Variants in DPP6 observed in about 807,000 individuals in gnomAD.
DPP6 encodes A-type potassium channel modulatory protein DPP6.
In DPP6, 69 loss-of-function variants were observed where a neutral mutation model predicts 122.6. The ratio of observed to expected loss-of-function variants is 0.56; its 90% CI spans 0.46 to 0.69. The LOEUF is 0.69. Ranked by LOEUF, DPP6 falls within the 30% of genes least tolerant of loss-of-function variation. The probability of loss-of-function intolerance (pLI) is 0.00; values close to 1 mark genes in which losing one functional copy is unlikely to be tolerated. For synonymous variants in DPP6, 418 were observed against 433.1 expected (o/e 0.97, Z 0.43); for missense variants, 928 against 1,116.9 (o/e 0.83, Z 2.41).
chr7:154,163,650 G>A (rs1295503583), intron 1 of DPP6, among the ~76,000 whole-genome samples: 6 of 152,176 alleles, frequency 3.9e-5, no homozygotes, highest in Non-Finnish European at 8.8e-5. Context: ...GTGCAATGAT[G>A]CTTCCTTATA....
intron 7 of DPP6, among the ~76,000 whole-genome samples, chr7:154,695,174 G>C (rs1321036013): frequency 6.6e-6 from 1 of 152,184 alleles, no homozygotes; most frequent in Non-Finnish European, 1.5e-5. Flanking sequence ...AGCCAGACTT[G>C]GGAATTTGGT....
At chr7:154,764,303 C>T (rs1795764111) in intron 8 of DPP6, among the ~76,000 whole-genome samples, 1 of 152,192 alleles carries the variant, frequency 6.6e-6, no homozygotes, top group African/African-American at 2.4e-5. Flanking sequence ...TCACCTTATT[C>T]TTGACCTGTT....
intron 2 of DPP6, among the ~76,000 whole-genome samples, chr7:154,459,156 A>G (rs574650784): frequency 1.2e-3 from 182 of 152,332 alleles, no homozygotes; most frequent in African/African-American, 4.2e-3. Flanking sequence ...AAAGAAGCCA[A>G]TGAAATTCAG....
chr7:154,337,366 G>A (rs911251137), intron 1 of DPP6, among the ~76,000 whole-genome samples: 1 of 152,202 alleles, frequency 6.6e-6, no homozygotes, highest in Non-Finnish European at 1.5e-5. Flanking sequence ...TAACCCAGGT[G>A]GAAGTTTGTG....
At chr7:154,065,212 C>G (rs1295880568) in intron 1 of DPP6, among the ~76,000 whole-genome samples, 1 of 151,930 alleles carries the variant, frequency 6.6e-6, no homozygotes, top group African/African-American at 2.4e-5. Flanking sequence ...GCCACTTAAA[C>G]CAGCTCCAAC....
At chr7:154,269,458 C>G (rs974116500) in intron 1 of DPP6, among the ~76,000 whole-genome samples, 6 of 152,186 alleles carry the variant, frequency 3.9e-5, no homozygotes, top group African/African-American at 1.4e-4. Context: ...TCCTGCCCTT[C>G]TCCTGGGCCA....
the DPP6 span, among the ~76,000 whole-genome samples, chr7:153,874,319 T>C: frequency 6.0e-5 from 9 of 150,882 alleles, no homozygotes; most frequent in South Asian, 1.0e-3. Flanking sequence ...CAGAAAGAAC[T>C]TATTAGATAT....
At chr7:154,324,178 C>T (rs952145279) in intron 1 of DPP6, among the ~76,000 whole-genome samples, 10 of 152,198 alleles carry the variant, frequency 6.6e-5, no homozygotes, top group African/African-American at 2.4e-4. Context: ...ATGATTACTA[C>T]AGTAACTTGC....
chr7:154,872,058 C>T (rs983234097), intron 18 of DPP6, among the ~76,000 whole-genome samples: 10 of 152,148 alleles, frequency 6.6e-5, no homozygotes, highest in Admixed American at 6.5e-4. Context: ...CTAGCTGTGG[C>T]TGCAGCATAG....
chr7:153,881,796 A>G, the DPP6 span, among the ~76,000 whole-genome samples: 18 of 152,160 alleles, frequency 1.2e-4, no homozygotes, highest in African/African-American at 4.3e-4. Context: ...CCCTGGCTCC[A>G]GGTCCTAATG....
intron 1 of DPP6, among the ~76,000 whole-genome samples, chr7:154,223,879 T>C (rs1366428445): frequency 6.7e-6 from 1 of 148,572 alleles, no homozygotes; most frequent in Admixed American, 6.6e-5. Context: ...AATAGAACAC[T>C]CAGAGGCCAC....
At chr7:154,195,536 G>A (rs889855937) in intron 1 of DPP6, among the ~76,000 whole-genome samples, 1 of 152,146 alleles carries the variant, frequency 6.6e-6, no homozygotes. Context: ...TGCATTCACG[G>A]ATGCTCTTCT....
At chr7:153,813,660 T>C in the DPP6 span, among the ~76,000 whole-genome samples, 1 of 152,080 alleles carries the variant, frequency 6.6e-6, no homozygotes, top group Non-Finnish European at 1.5e-5. Context: ...AAAGTGTTCC[T>C]ATTTCTTCAC....
intron 1 of DPP6, among the ~76,000 whole-genome samples, chr7:154,150,565 A>G (rs1389527291): frequency 1.3e-5 from 2 of 152,240 alleles, no homozygotes; most frequent in African/African-American, 4.8e-5. Flanking sequence ...GTCTGAGCTC[A>G]TATTTGCCAA....
intron 17 of DPP6, among the ~76,000 whole-genome samples, chr7:154,859,631 G>A (rs762469436): frequency 2.0e-5 from 3 of 152,166 alleles, no homozygotes; most frequent in Admixed American, 6.5e-5. Context: ...CAGAGCCTGC[G>A]GGGTGTTCAC....
the DPP6 span, among the ~76,000 whole-genome samples, chr7:153,837,136 TG>T: frequency 2.0e-5 from 3 of 152,182 alleles, no homozygotes; most frequent in Non-Finnish European, 4.4e-5. Context: ...TTCTAAACCA[TG>T]GGGGGTTAAA....
intron 1 of DPP6, among the ~76,000 whole-genome samples, chr7:154,317,407 A>C (rs950930549): frequency 6.6e-6 from 1 of 152,224 alleles, no homozygotes; most frequent in Non-Finnish European, 1.5e-5. Context: ...TGTAGCAATT[A>C]GTCTGCAGTT....
At chr7:154,045,380 C>G (rs563368183) in intron 1 of DPP6, among the ~76,000 whole-genome samples, 2 of 152,314 alleles carry the variant, frequency 1.3e-5, no homozygotes, top group South Asian at 2.1e-4. Flanking sequence ...GAAAATTGCT[C>G]TAGTACATTG....
At chr7:154,063,747 C>G (rs1185673713) in intron 1 of DPP6, among the ~76,000 whole-genome samples, 1 of 151,004 alleles carries the variant, frequency 6.6e-6, no homozygotes, top group Non-Finnish European at 1.5e-5. Flanking sequence ...GCTTAGGACC[C>G]CCGTCGTGGA....
Sources: gnomAD v4.1 joint callset for allele counts (sites outside exome capture counted in the v4.1 genomes callset) on GRCh38, gnomAD v4.1.1 for gene constraint, MANE v1.5 for transcripts, NCBI Gene and HGNC (gene_info 2026-07-23, HGNC 2026-07-21) for gene names.